The following PCSK5 variants were observed in gnomAD, a reference collection of about 807,000 sequenced individuals.
PCSK5 encodes the protein proprotein convertase subtilisin/kexin type 5, also known as prohormone convertase 5.
PCSK5 carries 129 observed loss-of-function variants against 233.2 expected under a neutral mutation model. The observed-to-expected ratio is 0.55, with a 90% confidence interval of 0.48 to 0.64. The LOEUF is 0.64. Ranked by LOEUF, PCSK5 falls within the 30% of genes least tolerant of loss-of-function variation. The probability of loss-of-function intolerance (pLI) is 0.00; values close to 1 mark genes in which losing one functional copy is unlikely to be tolerated. For missense variants in PCSK5, 2,076 were observed against 2,430.1 expected, an observed-to-expected ratio of 0.85 and a Z score of 3.06; for synonymous variants, 825 against 879.2, an observed-to-expected ratio of 0.94 and a Z score of 1.09.
chr9:76,155,697 C>T (rs1301320828), intron 10 of PCSK5, among the ~76,000 whole-genome samples: 1 of 152,122 alleles, frequency 6.6e-6, no homozygotes, highest in Admixed American at 6.5e-5. Flanking sequence ...AATTAGTTAC[C>T]AGAGTAGAAA....
At chr9:76,338,530 AC>A in intron 35 of PCSK5, 83 bp downstream of exon 35, 1 of 955,918 alleles carries the variant, frequency 1.0e-6, no homozygotes, top group Non-Finnish European at 1.6e-6. Context: ...CTCTCTTCTC[AC>A]CACCTGGGAG....
intron 24 of PCSK5, among the ~76,000 whole-genome samples, chr9:76,273,572 T>TATAC (rs1554715303): frequency 4.2e-5 from 3 of 71,908 alleles, no homozygotes; most frequent in Non-Finnish European, 5.7e-5. Context: ...GTAATATATA[T>TATAC]ATACATATAT....
chr9:75,990,357 G>A (rs1403576048), intron 3 of PCSK5, among the ~76,000 whole-genome samples: 4 of 152,158 alleles, frequency 2.6e-5, no homozygotes, highest in Admixed American at 6.5e-5. Flanking sequence ...TTCCCATGTC[G>A]CTCCTCCCCT....
intron 12 of PCSK5, 139 bp downstream of exon 12, chr9:76,159,310 T>A: frequency 1.4e-6 from 1 of 692,114 alleles, no homozygotes; most frequent in Non-Finnish European, 2.4e-6. Flanking sequence ...ATCTCACTGC[T>A]CATAAGTAGA....
chr9:76,313,582 C>T (rs139498527), intron 30 of PCSK5, among the ~76,000 whole-genome samples: 1,546 of 152,184 alleles, frequency 0.01, 29 homozygotes, highest in African/African-American at 0.036. Context: ...ACCTCTAGTC[C>T]CAGCTATCAG....
chr9:76,206,299 G>A (rs1277601833), intron 20 of PCSK5, among the ~76,000 whole-genome samples: 1 of 152,172 alleles, frequency 6.6e-6, no homozygotes, highest in South Asian at 2.1e-4. Context: ...CAGCCACTTA[G>A]CATGTAACTT....
intron 9 of PCSK5, among the ~76,000 whole-genome samples, chr9:76,109,030 G>A (rs535754571): frequency 2.1e-4 from 32 of 152,254 alleles, no homozygotes; most frequent in African/African-American, 5.5e-4. Flanking sequence ...TCTTTTTGAC[G>A]AGGTTAAATA....
At chr9:76,122,945 C>A (rs11144755) in intron 9 of PCSK5, among the ~76,000 whole-genome samples, 11,943 of 149,934 alleles carry the variant, frequency 0.08, 1,545 homozygotes, top group African/African-American at 0.27. Context: ...TCAAGCTATT[C>A]TCCTGTCTCA....
At chr9:76,351,383 G>A (rs978220087) in intron 36 of PCSK5, among the ~76,000 whole-genome samples, 2 of 149,498 alleles carry the variant, frequency 1.3e-5, no homozygotes, top group African/African-American at 4.9e-5. Context: ...CATTTGCAGT[G>A]TTACAGCTCT....
At chr9:76,058,968 GACCCA>G (rs1829927268) in intron 5 of PCSK5, among the ~76,000 whole-genome samples, 1 of 151,888 alleles carries the variant, frequency 6.6e-6, no homozygotes, top group Admixed American at 6.6e-5. Context: ...AACTTGGCGA[GACCCA>G]CACCCACTTC....
intron 5 of PCSK5, among the ~76,000 whole-genome samples, chr9:76,038,318 G>A (rs1828950814): frequency 1.3e-5 from 2 of 152,156 alleles, no homozygotes; most frequent in Admixed American, 1.3e-4. Flanking sequence ...ATTCCGCAGA[G>A]AAAGAGGGAC....
intron 20 of PCSK5, among the ~76,000 whole-genome samples, chr9:76,217,107 G>A (rs1382933925): frequency 6.6e-6 from 1 of 152,176 alleles, no homozygotes; most frequent in African/African-American, 2.4e-5. Flanking sequence ...ACAGGCGTGA[G>A]CCACCACCAT....
chr9:76,115,102 A>G (rs1832372175), intron 9 of PCSK5, among the ~76,000 whole-genome samples: 1 of 152,128 alleles, frequency 6.6e-6, no homozygotes, highest in African/African-American at 2.4e-5. Context: ...GTAAATTGTG[A>G]TATCATCTAT....
At chr9:76,101,604 T>C (rs1015387307) in intron 8 of PCSK5, among the ~76,000 whole-genome samples, 11 of 152,300 alleles carry the variant, frequency 7.2e-5, no homozygotes, top group African/African-American at 2.6e-4. Context: ...TAGTAATTTA[T>C]CTTAGTGATT....
At chr9:76,192,670 C>T (rs1824458543) in intron 20 of PCSK5, among the ~76,000 whole-genome samples, 1 of 151,608 alleles carries the variant, frequency 6.6e-6, no homozygotes, top group Non-Finnish European at 1.5e-5. Flanking sequence ...GAAAATTAAA[C>T]TATTGTTCAA....
intron 5 of PCSK5, among the ~76,000 whole-genome samples, chr9:76,065,381 T>C (rs1830249590): frequency 1.3e-5 from 2 of 152,348 alleles, no homozygotes; most frequent in South Asian, 2.1e-4. Context: ...AGATATCTCG[T>C]GGTGGCTGAT....
chr9:76,314,194 C>T (rs1828952563), intron 30 of PCSK5, among the ~76,000 whole-genome samples: 1 of 152,190 alleles, frequency 6.6e-6, no homozygotes, highest in Admixed American at 6.5e-5. Context: ...CTGGGTTGAA[C>T]CATTTTCATG....
chr9:76,151,601 C>T (rs759883739), intron 10 of PCSK5, among the ~76,000 whole-genome samples: 5 of 152,164 alleles, frequency 3.3e-5, no homozygotes, highest in African/African-American at 9.7e-5. Flanking sequence ...GTGCTACCTT[C>T]GTCCTCCACC....
rs868394112 is a variant in PCSK5 at position 75,998,236 on chromosome 9, C to T, written c.411+11991C>T. Among the ~76,000 whole-genome samples the T allele has an allele frequency of 3.3e-5, 5 of 151,662 alleles. No individual in the cohort carries two copies. In the South Asian group the frequency reaches 8.3e-4, roughly 25 times the overall value. On this transcript the variant is annotated intron_variant, in intron 3 of 37. Coordinates refer to ENST00000674117, the MANE Select transcript of PCSK5 (RefSeq NM_001372043.1). ...AGCAGGCCCACATAATTTTTTTTTT[C>T]CAGCTCATTCCTGGTCTGCTGAAAT...
Sources: gnomAD v4.1 joint callset for allele counts (sites outside exome capture counted in the v4.1 genomes callset) on GRCh38, gnomAD v4.1.1 for gene constraint, MANE v1.5 for transcripts, NCBI Gene and HGNC (gene_info 2026-07-23, HGNC 2026-07-21) for gene names.